Variants in GPR157 observed in about 807,000 individuals in gnomAD.
GPR157 encodes G protein-coupled receptor 157.
In GPR157, 16 loss-of-function variants were observed where a neutral mutation model predicts 23.5. That is an observed-to-expected ratio of 0.68 (90% CI 0.46 to 1.04). GPR157 has a LOEUF of 1.04. Among genes scored for constraint, GPR157 ranks in the 50% least tolerant of loss-of-function variants. The pLI, the probability that GPR157 is intolerant of heterozygous loss-of-function variation, is 0.00. For missense variants in GPR157, 440 were observed against 460.7 expected, an observed-to-expected ratio of 0.96 and a Z score of 0.41; for synonymous variants, 200 against 221.5, an observed-to-expected ratio of 0.90 and a Z score of 0.86.
At chr1:9,123,746 T>TTATATATATTTAATATTAAA (rs1174361616) in intron 1 of GPR157, among the ~76,000 whole-genome samples, 1 of 118,070 alleles carries the variant, frequency 8.5e-6, no homozygotes, top group Non-Finnish European at 1.7e-5. Flanking sequence ...ATATTTAATA[T>TTATATATATTTAATATTAAA]TATATATTTA....
chr1:9,108,256 G>T (rs531321214), intron 2 of GPR157, among the ~76,000 whole-genome samples: 2 of 151,964 alleles, frequency 1.3e-5, no homozygotes, highest in Non-Finnish European at 2.9e-5. Flanking sequence ...GCTCAGAGCC[G>T]CCCTCCTCCT....
At position 9,128,859 on chromosome 1, in the gene GPR157, C is replaced by T. The variant is rs1232934935; in HGVS notation, c.169G>A (p.Asp57Asn). ...AAGTAGGAGGCGGCCGAGAGCAGGT[C>T]GGCCAGCGACAGGAAGAGCAGCAGG... is the stretch of plus-strand genomic sequence containing the variant. ...RRLLLFLSLA[D>N]LLSAASYFYG... is the part of the protein sequence containing the mutation. The change falls in exon 1 of 4, where the codon GAC (aspartate) becomes AAC (asparagine). Residue 57 changes from aspartate (D) to asparagine (N), a missense_variant. By Grantham distance (23) the Asp-to-Asn change is conservative. Coordinates refer to ENST00000377411, the MANE Select transcript of GPR157 (RefSeq NM_024980.5). The surrounding 1 kb of genome is among the most constrained non-coding windows in gnomAD (Gnocchi z 6.3). The T allele has an allele frequency of 1.9e-6, 3 of 1,584,560 alleles. No individual in the cohort carries two copies. Among genetic ancestry groups the T allele is most frequent in the Admixed American group, 1.8e-5 (1 of 55,218 alleles).
At chr1:9,111,072 A>G (rs1638478654) in intron 2 of GPR157, 1 of 627,548 alleles carries the variant, frequency 1.6e-6, no homozygotes, top group Non-Finnish European at 2.9e-6. Context: ...CTAACGGGGC[A>G]GTGGGAACCA....
At chr1:9,123,493 A>ATTT (rs1569977166) in intron 1 of GPR157, among the ~76,000 whole-genome samples, 1 of 61,252 alleles carries the variant, frequency 1.6e-5, no homozygotes, top group East Asian at 7.1e-4. Context: ...AAAAATATAT[A>ATTT]AATTATATAT....
rs547725874 is a variant in GPR157 at position 9,105,032 on chromosome 1, G to GAAAC, written c.793-402_793-399dup. Among the ~76,000 whole-genome samples the GAAAC allele has an allele frequency of 4.8e-5, 4 of 83,726 alleles. No individual in the cohort carries two copies. The allele number at this position is 83,726 out of a possible 152,430, so 54.9% of individuals were successfully genotyped here. On this transcript the variant is annotated intron_variant, in intron 3 of 3. Coordinates refer to ENST00000377411, the MANE Select transcript of GPR157 (RefSeq NM_024980.5). This position sits in a 1 kb window ranked among gnomAD's most constrained non-coding sequence, Gnocchi z 4.8. ...CCCCCCAAAAAAGAGAAATGGCTGA[G>GAAAC]AAACACACACACACACACACACACA...
chr1:9,114,219 A>T (rs1638583319), intron 1 of GPR157, among the ~76,000 whole-genome samples: 1 of 144,202 alleles, frequency 6.9e-6, no homozygotes, highest in Non-Finnish European at 1.5e-5. Context: ...ATCCCATCTT[A>T]GTGGGAGGCT....
chr1:9,115,479 C>CG (rs1557697526), intron 1 of GPR157, among the ~76,000 whole-genome samples: 1 of 151,882 alleles, frequency 6.6e-6, no homozygotes, highest in Non-Finnish European at 1.5e-5. Context: ...TTTCCCTTAA[C>CG]GGGATGAAAA....
At chr1:9,117,506 T>A (rs948566674) in intron 1 of GPR157, among the ~76,000 whole-genome samples, 4 of 152,210 alleles carry the variant, frequency 2.6e-5, no homozygotes, top group Admixed American at 2.6e-4. Flanking sequence ...ACGCCTGTAA[T>A]CCCAGCACTT....
In GPR157 at chr1:9,103,059, C is replaced by T. The variant is rs112591458; in HGVS notation, c.*1360G>A. 60 of 145,020 alleles carry T rather than the reference C, an allele frequency of 4.1e-4. No homozygotes were observed. The highest frequency in any genetic ancestry group is 7.4e-4 in the Non-Finnish European group (50 of 67,198). 9.0% of individuals were successfully genotyped at this position (145,020 alleles called of 1,614,324 possible). On this transcript the variant is annotated 3_prime_UTR_variant, in exon 4 of 4. Transcript: ENST00000377411. ...TCCTGAGTAGTAGGGACTACAGGCA[C>T]GCACCACCACATCAGCTCCGGGCGA...
chr1:9,110,186 C>T (rs1260139057), intron 2 of GPR157, among the ~76,000 whole-genome samples: 1 of 152,226 alleles, frequency 6.6e-6, no homozygotes, highest in Non-Finnish European at 1.5e-5. Flanking sequence ...GATGAACTCC[C>T]ATGCTATACA....
intron 1 of GPR157, among the ~76,000 whole-genome samples, chr1:9,125,514 G>C (rs1569981320): frequency 6.6e-6 from 1 of 152,134 alleles, no homozygotes; most frequent in Admixed American, 6.6e-5. Context: ...CTGTAAAGGG[G>C]GCCACGCAGG....
intron 2 of GPR157, among the ~76,000 whole-genome samples, chr1:9,108,780 C>T (rs1638407417): frequency 1.5e-5 from 2 of 134,128 alleles, no homozygotes; most frequent in Non-Finnish European, 3.1e-5. Flanking sequence ...TAGACATGCA[C>T]CAGCACACCA....
intron 1 of GPR157, among the ~76,000 whole-genome samples, chr1:9,115,141 T>C (rs6577549): frequency 0.76 from 115,086 of 151,860 alleles, 44,175 homozygotes; most frequent in East Asian, 0.97. Context: ...GACTGACTCA[T>C]GTACAGGCAT....
chr1:9,108,612 C>T (rs2124509749), intron 2 of GPR157, among the ~76,000 whole-genome samples: 1 of 152,296 alleles, frequency 6.6e-6, no homozygotes, highest in African/African-American at 2.4e-5. Context: ...AGGAGACCAA[C>T]TACTAATAAA....
intron 2 of GPR157, among the ~76,000 whole-genome samples, chr1:9,110,878 T>C (rs1998948): frequency 0.71 from 108,332 of 152,168 alleles, 38,980 homozygotes; most frequent in African/African-American, 0.82. Flanking sequence ...GCCTTGGGTC[T>C]GTCCTCACCT....
At position 9,103,312 on chromosome 1, in the gene GPR157, C is replaced by T. The variant is rs1281263986; in HGVS notation, c.*1107G>A. The T allele has an allele frequency of 6.6e-6, 1 of 152,192 alleles. No homozygotes were observed. Among genetic ancestry groups the T allele is most frequent in the Admixed American group, 6.6e-5 (1 of 15,250 alleles). 9.4% of individuals were successfully genotyped at this position (152,192 alleles called of 1,614,324 possible). ...CCAAAGACCTGGGATTACAGACGTG[C>T]ATCACCATGCCTGGCTAATTTTTGT... On this transcript the variant is annotated 3_prime_UTR_variant, in exon 4 of 4. Coordinates refer to ENST00000377411, the MANE Select transcript of GPR157 (RefSeq NM_024980.5).
At chr1:9,112,610 G>A (rs891979178) in intron 1 of GPR157, among the ~76,000 whole-genome samples, 2 of 152,106 alleles carry the variant, frequency 1.3e-5, no homozygotes, top group Non-Finnish European at 2.9e-5. Flanking sequence ...GCACCACCAC[G>A]CCCGGCTAAT....
chr1:9,104,752 G>A (rs1433426316), intron 3 of GPR157, 118 bp from the exon 4 acceptor site: 2 of 703,424 alleles, frequency 2.8e-6, no homozygotes, highest in African/African-American at 3.6e-5. Flanking sequence ...TGTAATCCCA[G>A]CCCTTTGGGA....
chr1:9,104,436 C>A lies in GPR157; in HGVS notation c.991G>T (p.Glu331Ter). Residue 331 changes from glutamate (E) to a stop codon, truncating the protein, a stop_gained, in exon 4 of 4, where the codon GAA becomes TAA. Transcript: ENST00000377411. LOFTEE classifies it high-confidence loss of function. The stretch of plus-strand genomic sequence containing the variant: ...ACAAAAGCTCAGGTGCTTGGAAGTT[C>A]CCCTGGGGTCCCTTGGGATTCCTGA... ...ESQESQGTPG[E>*]LPST 3 of 1,613,902 alleles carry A rather than the reference C, an allele frequency of 1.9e-6. No homozygotes were observed. Among genetic ancestry groups the A allele is most frequent in the Non-Finnish European group, 2.5e-6 (3 of 1,179,898 alleles).
Sources: allele counts gnomAD v4.1 joint callset (sites outside exome capture counted in the v4.1 genomes callset), GRCh38; gene constraint gnomAD v4.1.1; non-coding constraint Gnocchi (gnomAD v3.1); transcripts MANE v1.5; gene names NCBI Gene and HGNC (gene_info 2026-07-23, HGNC 2026-07-21).